The following PI4K2B variants were observed in gnomAD, a reference collection of about 807,000 sequenced individuals.
PI4K2B encodes phosphatidylinositol 4-kinase type 2-beta.
In PI4K2B, 46 loss-of-function variants were observed where a neutral mutation model predicts 56.6. The observed-to-expected ratio is 0.81, with a 90% CI of 0.64 to 1.04. The LOEUF (loss-of-function observed/expected upper bound fraction) is 1.04, where lower values mean the gene tolerates loss of function less well. Among genes scored for constraint, PI4K2B ranks in the 50% least tolerant of loss-of-function variants. The probability of loss-of-function intolerance (pLI) is 0.00; values close to 1 mark genes in which losing one functional copy is unlikely to be tolerated. For synonymous variants in PI4K2B, 211 were observed against 223.8 expected (o/e 0.94, Z 0.51); for missense variants, 556 against 607.7 (o/e 0.91, Z 0.89).
intron 9 of PI4K2B, among the ~76,000 whole-genome samples, chr4:25,272,542 C>G (rs893265949): frequency 6.6e-5 from 10 of 151,956 alleles, no homozygotes; most frequent in Non-Finnish European, 1.3e-4. Context: ...TGGCTCATGG[C>G]TGTTGTCCCA....
rs181784129 is a variant in PI4K2B, at chr4:25,247,627, T to A, written c.269-4694T>A. Among the ~76,000 whole-genome samples, 188 of 152,210 alleles carry A rather than the reference T, an allele frequency of 1.2e-3. 1 individual carries two copies. The highest frequency in any genetic ancestry group is 3.6e-3 in the Admixed American group (55 of 15,300). The stretch of plus-strand genomic sequence containing the variant: ...CAGGGAAGACTTAGAGAAAGTGGCA[T>A]CCAGTTCAAGACCTGAAGGGTGAAT... On this transcript the variant is annotated intron_variant, in intron 1 of 9. Transcript: ENST00000264864.
chr4:25,263,923 A>G (rs1354546094), intron 7 of PI4K2B, 74 bp downstream of exon 7: 1 of 664,174 alleles, frequency 1.5e-6, no homozygotes, highest in African/African-American at 1.8e-5. Context: ...AAATTTACAG[A>G]TACCATAGCG....
chr4:25,271,715 G>T (rs929845573), intron 9 of PI4K2B, among the ~76,000 whole-genome samples: 1 of 152,028 alleles, frequency 6.6e-6, no homozygotes, highest in African/African-American at 2.4e-5. Flanking sequence ...TCATCTTCTG[G>T]AACTTTCTTA....
chr4:25,259,734 A>G (rs1360478878), intron 5 of PI4K2B, among the ~76,000 whole-genome samples: 1 of 152,148 alleles, frequency 6.6e-6, no homozygotes, highest in Admixed American at 6.5e-5. Flanking sequence ...AAATCTCATA[A>G]TGTTTCAAGA....
chr4:25,256,624 A>G lies in PI4K2B; in HGVS notation c.706A>G (p.Lys236Glu). 6.2e-7 allele frequency: 1 copy of G among 1,614,034 alleles called. No individual in the cohort carries two copies. The highest frequency in any genetic ancestry group is 8.5e-7 in the Non-Finnish European group (1 of 1,179,946). Residue 236 changes from lysine to glutamate, a missense_variant, in exon 4 of 10, where the codon AAA (lysine) becomes GAA (glutamate). Physicochemically the swap from Lys to Glu is moderately conservative, Grantham distance 56. Coordinates refer to ENST00000264864, the MANE Select transcript of PI4K2B (RefSeq NM_018323.4). The part of the protein sequence containing the change: ...KSRGKKYALE[K>E]VPKVGRKFHR... ...AAGAGGCAAAAAGTATGCTTTAGAA[A>G]AAGTGCCAAAAGTGGGTAGAAAGTT...
intron 9 of PI4K2B, among the ~76,000 whole-genome samples, chr4:25,273,072 T>C: frequency 6.6e-6 from 1 of 152,180 alleles, no homozygotes; most frequent in Non-Finnish European, 1.5e-5. Flanking sequence ...GTTTTACACA[T>C]ATATCAATGG....
chr4:25,249,448 C>T (rs530336090), intron 1 of PI4K2B, among the ~76,000 whole-genome samples: 13 of 146,420 alleles, frequency 8.9e-5, no homozygotes, highest in South Asian at 6.9e-4. Context: ...GGCTGCCCCC[C>T]GCCTCCCGGA....
intron 1 of PI4K2B, among the ~76,000 whole-genome samples, chr4:25,248,695 GTTA>G (rs770123417): frequency 5.3e-5 from 8 of 151,250 alleles, no homozygotes; most frequent in Non-Finnish European, 7.4e-5. Flanking sequence ...GAGTTTTTTT[GTTA>G]TTATGCATTG....
At chr4:25,269,307 CT>C (rs1418392305) in intron 9 of PI4K2B, 104 bp downstream of exon 9, 4 of 693,634 alleles carry the variant, frequency 5.8e-6, no homozygotes, top group Non-Finnish European at 1.0e-5. Flanking sequence ...AATACTACCT[CT>C]TATGCTGAAC....
At chr4:25,258,213 C>CTTTTTTTTTTTTTTTT (rs545122643) in intron 4 of PI4K2B, among the ~76,000 whole-genome samples, 1 of 119,014 alleles carries the variant, frequency 8.4e-6, no homozygotes, top group Non-Finnish European at 1.8e-5. Flanking sequence ...GGAATCTGTC[C>CTTTTTTTTTTTTTTTT]TTTTTTTTTT....
At chr4:25,265,198 C>CAAAAAAAAAAAAAAAAAAAAAAAA in intron 7 of PI4K2B, among the ~76,000 whole-genome samples, 1 of 65,400 alleles carries the variant, frequency 1.5e-5, no homozygotes. Flanking sequence ...TCTGTCTCAC[C>CAAAAAAAAAAAAAAAAAAAAAAAA]AAAAAAAAAA....
At chr4:25,244,694 G>C (rs2109088210) in intron 1 of PI4K2B, among the ~76,000 whole-genome samples, 1 of 152,270 alleles carries the variant, frequency 6.6e-6, no homozygotes, top group East Asian at 1.9e-4. Context: ...ACCGCCTGCA[G>C]TTTTGGTTTG....
chr4:25,255,089 A>C lies in PI4K2B; in HGVS notation c.448A>C (p.Lys150Gln). 2 of 1,613,674 alleles carry C rather than the reference A, an allele frequency of 1.2e-6. No individual in the cohort carries two copies. The highest frequency in any genetic ancestry group is 1.7e-6 in the Non-Finnish European group (2 of 1,179,626). The change falls in exon 3 of 10, where the codon AAA (lysine) becomes CAA (glutamine). Residue 150 changes from lysine to glutamine, a missense_variant. Transcript: ENST00000264864. Reference protein sequence around the residue: ...KRKIIGVFKPKSEEPYGQLNP... With the variant: ...KRKIIGVFKPQSEEPYGQLNP... Reference sequence around the variant, plus strand: ...GAAAATTATTGGTGTGTTTAAACCCAAATCAGAAGAGCCTTATGGTCAACT... The same window carrying C: ...GAAAATTATTGGTGTGTTTAAACCCCAATCAGAAGAGCCTTATGGTCAACT...
intron 1 of PI4K2B, among the ~76,000 whole-genome samples, chr4:25,238,312 T>C (rs1181442061): frequency 6.6e-6 from 1 of 152,204 alleles, no homozygotes; most frequent in African/African-American, 2.4e-5. Context: ...TGTCACAGTC[T>C]CTTGGTGAAT....
At chr4:25,245,578 G>A (rs908350951) in intron 1 of PI4K2B, among the ~76,000 whole-genome samples, 3 of 152,178 alleles carry the variant, frequency 2.0e-5, no homozygotes, top group Admixed American at 6.5e-5. Flanking sequence ...GTCTGGGGTT[G>A]TTAGAGAGCC....
At chr4:25,257,066 C>T (rs1716287862) in intron 4 of PI4K2B, among the ~76,000 whole-genome samples, 1 of 148,490 alleles carries the variant, frequency 6.7e-6, no homozygotes, top group South Asian at 2.2e-4. Flanking sequence ...CTTTCTCTTT[C>T]TTTTTTTTTG....
intron 7 of PI4K2B, among the ~76,000 whole-genome samples, chr4:25,264,117 A>G (rs914822684): frequency 6.6e-6 from 1 of 152,200 alleles, no homozygotes; most frequent in African/African-American, 2.4e-5. Flanking sequence ...TTTAAAAAAT[A>G]TATAACATTG....
chr4:25,256,557 C>A lies in PI4K2B; in HGVS notation c.639C>A (p.Val213=). The A allele has an allele frequency of 1.2e-6, 2 of 1,612,856 alleles. No homozygotes were observed. The highest frequency in any genetic ancestry group is 2.2e-5 in the South Asian group (2 of 90,878). The part of the protein sequence containing the change: ...IVPKTKVVWL[V]SETFNYNAID... ...TATGTTTCTAGGTGGTTTGGCTTGT[C>A]AGTGAGACATTTAACTATAATGCGA... The change falls in exon 4 of 10, where the codon GTC becomes GTA. Residue 213 remains valine, a synonymous_variant. Coordinates refer to ENST00000264864, the MANE Select transcript of PI4K2B (RefSeq NM_018323.4).
intron 5 of PI4K2B, among the ~76,000 whole-genome samples, chr4:25,260,159 GA>G (rs1716405553): frequency 6.6e-6 from 1 of 152,140 alleles, no homozygotes; most frequent in South Asian, 2.1e-4. Context: ...AGCCTGCTTA[GA>G]AATTTGCCTA....
Sources: allele counts gnomAD v4.1 joint callset (sites outside exome capture counted in the v4.1 genomes callset), GRCh38; gene constraint gnomAD v4.1.1; transcripts MANE v1.5; gene names NCBI Gene and HGNC (gene_info 2026-07-23, HGNC 2026-07-21).